SNTG1: variants seen among roughly 807,000 people sequenced by gnomAD.
SNTG1 encodes the protein gamma-1-syntrophin.
In SNTG1, 39 loss-of-function variants were observed where a neutral mutation model predicts 74.7. That is an observed-to-expected ratio of 0.52 (90% confidence interval 0.40 to 0.68). The LOEUF (loss-of-function observed/expected upper bound fraction) is 0.68, where lower values mean the gene tolerates loss of function less well. Ranked by LOEUF, SNTG1 falls within the 30% of genes least tolerant of loss-of-function variation. The pLI, the probability that SNTG1 is intolerant of heterozygous loss-of-function variation, is 0.00. For synonymous variants in SNTG1, 254 were observed against 217.1 expected (o/e 1.17, Z -1.49); for missense variants, 685 against 609.5 (o/e 1.12, Z -1.30).
intron 1 of SNTG1, among the ~76,000 whole-genome samples, chr8:49,994,720 A>T (rs1398522673): frequency 6.6e-6 from 1 of 151,950 alleles, no homozygotes; most frequent in African/African-American, 2.4e-5. Context: ...TTTTCTCTGA[A>T]CCTAAGAAAC....
chr8:50,720,553 G>T (rs2095485343), intron 17 of SNTG1, among the ~76,000 whole-genome samples: 4 of 152,162 alleles, frequency 2.6e-5, no homozygotes, highest in Non-Finnish European at 5.9e-5. Flanking sequence ...CATGCAGTAT[G>T]GAGAAAAGTC....
At chr8:50,633,561 C>A (rs909311590) in intron 13 of SNTG1, among the ~76,000 whole-genome samples, 33 of 152,178 alleles carry the variant, frequency 2.2e-4, no homozygotes, top group African/African-American at 7.7e-4. Context: ...TGTCTTTCAA[C>A]TTCTGGGCCC....
At chr8:50,283,887 A>G (rs973787611) in intron 2 of SNTG1, among the ~76,000 whole-genome samples, 5 of 152,192 alleles carry the variant, frequency 3.3e-5, no homozygotes, top group African/African-American at 9.6e-5. Flanking sequence ...GAGAATTTCT[A>G]AATGCCCCTG....
intron 2 of SNTG1, among the ~76,000 whole-genome samples, chr8:50,365,348 G>A (rs977377562): frequency 6.6e-6 from 1 of 152,076 alleles, no homozygotes; most frequent in Non-Finnish European, 1.5e-5. Context: ...AATGCAGAGT[G>A]AAAACATGGT....
Position 50,792,831 on chromosome 8 carries a change from A to G in SNTG1, c.*2A>G, listed in dbSNP as rs763304174. ...AGCAAAGCAAAGTATACAACTTGAC[A>G]TACTGAACTCTTCATTGACACACCC... is the stretch of plus-strand genomic sequence containing the variant. On this transcript the variant is annotated 3_prime_UTR_variant, in exon 19 of 19. Coordinates refer to ENST00000642720, the MANE Select transcript of SNTG1 (RefSeq NM_018967.5). 6.2e-7 allele frequency: 1 copy of G among 1,610,962 alleles called. No homozygotes were observed. Among genetic ancestry groups the G allele is most frequent in the South Asian group, 1.1e-5 (1 of 90,818 alleles).
chr8:50,747,713 C>T (rs1261393324), intron 17 of SNTG1: 8 of 151,966 alleles, frequency 5.3e-5, no homozygotes, highest in Middle Eastern at 6.8e-3. Flanking sequence ...AAAATTTTCA[C>T]ACTTCGTTCC....
intron 13 of SNTG1, among the ~76,000 whole-genome samples, chr8:50,639,577 A>G (rs2095059522): frequency 6.6e-6 from 1 of 152,058 alleles, no homozygotes; most frequent in Admixed American, 6.6e-5. Context: ...ATATCAACAG[A>G]ATTGTGTGCA....
At chr8:50,567,024 T>G (rs2094519889) in intron 12 of SNTG1, among the ~76,000 whole-genome samples, 1 of 152,092 alleles carries the variant, frequency 6.6e-6, no homozygotes, top group Non-Finnish European at 1.5e-5. Flanking sequence ...CAGCCTCTAT[T>G]TGTTTATTGT....
intron 13 of SNTG1, among the ~76,000 whole-genome samples, chr8:50,609,661 A>G (rs1380165039): frequency 6.6e-6 from 1 of 152,072 alleles, no homozygotes; most frequent in Non-Finnish European, 1.5e-5. Flanking sequence ...CTATCAATAC[A>G]CATGTTGATA....
intron 1 of SNTG1, among the ~76,000 whole-genome samples, chr8:50,075,515 C>T (rs145034287): frequency 3.1e-3 from 478 of 152,268 alleles, no homozygotes; most frequent in Non-Finnish European, 4.6e-3. Context: ...CCCGTCAAAA[C>T]GGACCAATCA....
At chr8:50,224,785 T>A (rs925967519) in intron 2 of SNTG1, among the ~76,000 whole-genome samples, 4 of 152,064 alleles carry the variant, frequency 2.6e-5, no homozygotes, top group Non-Finnish European at 4.4e-5. Context: ...CAAAGCAGAC[T>A]CTGTAGCAAT....
At chr8:50,570,551 T>A (rs2094542633) in intron 12 of SNTG1, among the ~76,000 whole-genome samples, 1 of 145,442 alleles carries the variant, frequency 6.9e-6, no homozygotes, top group Admixed American at 6.9e-5. Flanking sequence ...AGCCACCACG[T>A]CCAGCCTTAT....
chr8:50,187,059 A>G (rs2083409600), intron 2 of SNTG1, among the ~76,000 whole-genome samples: 2 of 152,106 alleles, frequency 1.3e-5, no homozygotes, highest in Admixed American at 1.3e-4. Flanking sequence ...TAATTTTTGT[A>G]TAAGGTGTAA....
chr8:50,053,657 G>GTGTA (rs1554560656), intron 1 of SNTG1, among the ~76,000 whole-genome samples: 32 of 148,966 alleles, frequency 2.1e-4, no homozygotes, highest in Middle Eastern at 7.2e-3. Context: ...GTGTGTGTGT[G>GTGTA]TATAATCCAG....
intron 5 of SNTG1, among the ~76,000 whole-genome samples, chr8:50,448,075 G>A (rs993395345): frequency 1.3e-5 from 2 of 152,292 alleles, no homozygotes; most frequent in South Asian, 4.1e-4. Context: ...GACACAGTCT[G>A]TGTTTGTTAG....
At chr8:50,714,972 T>A (rs1173745714) in intron 17 of SNTG1, among the ~76,000 whole-genome samples, 1 of 152,136 alleles carries the variant, frequency 6.6e-6, no homozygotes, top group African/African-American at 2.4e-5. Context: ...CCGTAAAAGG[T>A]AGATACTTGT....
chr8:50,366,696 A>G (rs1203261423), intron 2 of SNTG1, among the ~76,000 whole-genome samples: 3 of 146,650 alleles, frequency 2.0e-5, no homozygotes, highest in African/African-American at 7.4e-5. Context: ...TATATATTTT[A>G]TATAATATAT....
At chr8:49,968,946 AACTCCAGAG>A (rs1287755884) in intron 1 of SNTG1, among the ~76,000 whole-genome samples, 1 of 152,180 alleles carries the variant, frequency 6.6e-6, no homozygotes, top group Non-Finnish European at 1.5e-5. Context: ...CTGCATTTAA[AACTCCAGAG>A]ACTTGAGTGC....
intron 15 of SNTG1, among the ~76,000 whole-genome samples, chr8:50,662,763 C>A (rs74674410): frequency 1.3e-5 from 2 of 151,284 alleles, no homozygotes; most frequent in African/African-American, 4.9e-5. Context: ...AAACATTACC[C>A]TTTATGAGTG....
Sources: allele counts gnomAD v4.1 joint callset (sites outside exome capture counted in the v4.1 genomes callset), GRCh38; gene constraint gnomAD v4.1.1; transcripts MANE v1.5; gene names NCBI Gene and HGNC (gene_info 2026-07-23, HGNC 2026-07-21).